Variants in TRPM3 observed in about 807,000 individuals in gnomAD.
TRPM3 encodes the protein transient receptor potential cation channel subfamily M member 3.
Under a neutral mutation model 181.2 loss-of-function variants are expected in TRPM3, and 77 were observed. The observed-to-expected ratio is 0.42, with a 90% CI of 0.35 to 0.51. The LOEUF is 0.51. Among genes scored for constraint, TRPM3 ranks in the 20% least tolerant of loss-of-function variants. The pLI is 0.01. For synonymous variants in TRPM3, 745 were observed against 796.4 expected, an observed-to-expected ratio of 0.94 and a Z score of 1.09; for missense variants, 1,759 against 2,196.7, an observed-to-expected ratio of 0.80 and a Z score of 3.98.
At chr9:71,306,817 G>C (rs551157849) in intron 1 of TRPM3, among the ~76,000 whole-genome samples, 2 of 152,312 alleles carry the variant, frequency 1.3e-5, no homozygotes, top group South Asian at 4.1e-4. Flanking sequence ...AGATTGCAGT[G>C]AGCCGAGATC....
At chr9:70,775,259 C>G (rs1330413240) in intron 7 of TRPM3, 2 of 152,128 alleles carry the variant, frequency 1.3e-5, no homozygotes, top group Non-Finnish European at 2.9e-5. Flanking sequence ...TTTTAAAGCC[C>G]TTACTACATC....
chr9:70,586,735 G>A (rs2057201438), intron 22 of TRPM3, among the ~76,000 whole-genome samples: 1 of 152,194 alleles, frequency 6.6e-6, no homozygotes, highest in African/African-American at 2.4e-5. Flanking sequence ...ACAGCCCTGA[G>A]TCTTGAGAAC....
intron 18 of TRPM3, among the ~76,000 whole-genome samples, chr9:70,611,181 A>G (rs772875736): frequency 4.6e-5 from 7 of 152,198 alleles, no homozygotes; most frequent in Non-Finnish European, 8.8e-5. Context: ...TTAAAGGTAA[A>G]TTGGACCAGC....
chr9:71,378,329 G>A (rs972027245), intron 1 of TRPM3, among the ~76,000 whole-genome samples: 15 of 152,066 alleles, frequency 9.9e-5, no homozygotes, highest in African/African-American at 3.1e-4. Context: ...AGAATGTGGA[G>A]CAACAGAACT....
intron 1 of TRPM3, among the ~76,000 whole-genome samples, chr9:71,399,822 C>A (rs1163912175): frequency 6.6e-6 from 1 of 152,026 alleles, no homozygotes; most frequent in Non-Finnish European, 1.5e-5. Context: ...TGAGCCACTG[C>A]GCCCAGCCTA....
chr9:71,282,063 GA>G (rs1565417535), intron 1 of TRPM3, among the ~76,000 whole-genome samples: 2 of 97,300 alleles, frequency 2.1e-5, no homozygotes, highest in Admixed American at 1.1e-4. Flanking sequence ...CAGAAAGAGA[GA>G]AAGAAAGGAA....
At chr9:71,010,453 C>CA (rs929583098) in intron 1 of TRPM3, among the ~76,000 whole-genome samples, 1 of 151,862 alleles carries the variant, frequency 6.6e-6, no homozygotes, top group Non-Finnish European at 1.5e-5. Flanking sequence ...GAAAAATGCC[C>CA]AAAATACCTG....
intron 1 of TRPM3, among the ~76,000 whole-genome samples, chr9:71,221,005 A>G (rs1169503783): frequency 2.6e-5 from 4 of 152,194 alleles, no homozygotes; most frequent in East Asian, 1.9e-4. Context: ...AGACGGGCCA[A>G]TCAAGAGCAT....
intron 6 of TRPM3, among the ~76,000 whole-genome samples, chr9:70,818,321 GA>G (rs2092879581): frequency 6.6e-6 from 1 of 152,192 alleles, no homozygotes. Context: ...GTAATTTATA[GA>G]TTATATGTTA....
At chr9:70,746,416 C>G (rs1335087394) in intron 8 of TRPM3, among the ~76,000 whole-genome samples, 1 of 152,048 alleles carries the variant, frequency 6.6e-6, no homozygotes, top group African/African-American at 2.4e-5. Flanking sequence ...ACATCAGCTT[C>G]ACACATACTC....
At chr9:71,083,766 T>A (rs2064810950) in intron 1 of TRPM3, among the ~76,000 whole-genome samples, 3 of 151,138 alleles carry the variant, frequency 2.0e-5, no homozygotes, top group Admixed American at 1.3e-4. Flanking sequence ...TGTATGCTAA[T>A]GTTGTGCCAG....
chr9:70,651,151 A>G (rs1278398351), intron 9 of TRPM3, among the ~76,000 whole-genome samples: 2 of 152,230 alleles, frequency 1.3e-5, no homozygotes, highest in Non-Finnish European at 2.9e-5. Context: ...TTTTAGCCAT[A>G]GCACTTTAAT....
chr9:70,535,770 A>G lies in TRPM3; in HGVS notation c.*183T>C. On this transcript the variant is annotated 3_prime_UTR_variant, in exon 26 of 26. Coordinates refer to ENST00000677713, the MANE Select transcript of TRPM3 (RefSeq NM_001366145.2). Reference sequence around the variant, plus strand: ...AATCCCCTGTGTCTGGCACTGGGTCAGATCAAATGCTTTCTTGATCTGTGG... The same window carrying G: ...AATCCCCTGTGTCTGGCACTGGGTCGGATCAAATGCTTTCTTGATCTGTGG... 6.8e-7 allele frequency: 1 copy of G among 1,473,782 alleles called. No homozygotes were observed. Among genetic ancestry groups the G allele is most frequent in the Non-Finnish European group, 8.9e-7 (1 of 1,121,330 alleles). 91.3% of individuals were successfully genotyped at this position (1,473,782 alleles called of 1,614,324 possible). A position where few individuals can be genotyped will look rare whatever the true frequency, so the allele number is the denominator to read the frequency against.
intron 1 of TRPM3, among the ~76,000 whole-genome samples, chr9:71,049,415 A>G (rs80190157): frequency 0.021 from 3,259 of 152,330 alleles, 113 homozygotes; most frequent in African/African-American, 0.074. Context: ...AATATAGTAT[A>G]TAATATCAAT....
intron 21 of TRPM3, among the ~76,000 whole-genome samples, chr9:70,593,100 C>G (rs1025173745): frequency 2.0e-5 from 3 of 152,152 alleles, no homozygotes; most frequent in Admixed American, 2.0e-4. Flanking sequence ...TGCCTTAGGA[C>G]ACTGGGGTCT....
chr9:71,022,787 T>C (rs1160607667), intron 1 of TRPM3, among the ~76,000 whole-genome samples: 2 of 152,222 alleles, frequency 1.3e-5, no homozygotes, highest in African/African-American at 4.8e-5. Context: ...TACACCTATG[T>C]AACATACCTG....
At chr9:71,099,873 CAGCAGTTATTGAGA>C (rs2068013267) in intron 1 of TRPM3, among the ~76,000 whole-genome samples, 2 of 152,130 alleles carry the variant, frequency 1.3e-5, no homozygotes, top group Admixed American at 1.3e-4. Flanking sequence ...TACCCAAAGT[CAGCAGTTATTGAGA>C]TGAGACCAGA....
chr9:70,819,551 G>GA (rs1465715519), intron 6 of TRPM3, among the ~76,000 whole-genome samples: 1 of 151,972 alleles, frequency 6.6e-6, no homozygotes, highest in Non-Finnish European at 1.5e-5. Flanking sequence ...ATAGGGTAAA[G>GA]AAAAAAACAG....
At chr9:71,215,697 G>C (rs73647969) in intron 1 of TRPM3, among the ~76,000 whole-genome samples, 2,854 of 152,280 alleles carry the variant, frequency 0.019, 98 homozygotes, top group African/African-American at 0.066. Flanking sequence ...GAAATCTCCA[G>C]AGAACTCAGT....
Sources: gnomAD v4.1 joint callset for allele counts (sites outside exome capture counted in the v4.1 genomes callset) on GRCh38, gnomAD v4.1.1 for gene constraint, MANE v1.5 for transcripts, NCBI Gene and HGNC (gene_info 2026-07-23, HGNC 2026-07-21) for gene names.